Variants in ABR observed in about 807,000 individuals in gnomAD.
ABR encodes the protein ABR activator of RhoGEF and GTPase.
In ABR, 35 loss-of-function variants were observed where a neutral mutation model predicts 107.2. The ratio of observed to expected loss-of-function variants is 0.33; its 90% confidence interval spans 0.25 to 0.43. ABR has a LOEUF of 0.43. Among genes scored for constraint, ABR ranks in the 20% least tolerant of loss-of-function variants. ABR has a pLI of 1.00. For synonymous variants in ABR, 498 were observed against 462.0 expected (o/e 1.08, Z -1.00); for missense variants, 815 against 1,115.2 (o/e 0.73, Z 3.83).
At chr17:1,040,205 G>A (rs1398326714) in intron 16 of ABR, among the ~76,000 whole-genome samples, 7 of 152,148 alleles carry the variant, frequency 4.6e-5, no homozygotes, top group Admixed American at 2.0e-4. Flanking sequence ...CAGGACGCAC[G>A]CGCAGGACCC....
chr17:1,213,682 C>T (rs764976848), intron 1 of ABR, among the ~76,000 whole-genome samples: 5 of 152,192 alleles, frequency 3.3e-5, no homozygotes, highest in Non-Finnish European at 5.9e-5. Context: ...TGAGGCACCA[C>T]GCCCGGCCAA....
intron 16 of ABR, among the ~76,000 whole-genome samples, chr17:1,015,827 G>A (rs939374610): frequency 2.0e-5 from 3 of 152,102 alleles, no homozygotes; most frequent in African/African-American, 7.2e-5. Context: ...CAATGAGATG[G>A]GCGGAACATT....
intron 22 of ABR, 34 bp from the exon 23 acceptor site, chr17:1,006,203 C>G: frequency 1.3e-6 from 2 of 1,526,066 alleles, no homozygotes; most frequent in Admixed American, 2.0e-5. Context: ...GGCTGGGCTC[C>G]CTGTCCTAGG....
At chr17:1,099,007 G>C (rs547911050) in intron 3 of ABR, among the ~76,000 whole-genome samples, 1 of 151,884 alleles carries the variant, frequency 6.6e-6, no homozygotes, top group African/African-American at 2.4e-5. Context: ...GGCTGGTCTC[G>C]AACTCCTGAC....
chr17:1,063,435 T>G (rs1455372392), intron 10 of ABR, among the ~76,000 whole-genome samples: 2 of 149,456 alleles, frequency 1.3e-5, no homozygotes, highest in African/African-American at 4.9e-5. Context: ...GACACTGTTG[T>G]TACGTGAACT....
At chr17:1,144,475 A>G (rs2040446748) in intron 1 of ABR, among the ~76,000 whole-genome samples, 1 of 152,028 alleles carries the variant, frequency 6.6e-6, no homozygotes, top group South Asian at 2.1e-4. Context: ...TTATCTGTAA[A>G]ATGGGCAAGA....
chr17:1,085,352 G>A (rs199892581), intron 4 of ABR, among the ~76,000 whole-genome samples: 3 of 150,636 alleles, frequency 2.0e-5, no homozygotes, highest in Admixed American at 6.6e-5. Flanking sequence ...TCCTGACCTC[G>A]TGATCCACCC....
chr17:1,207,756 TTTG>T (rs1433606480), intron 1 of ABR, among the ~76,000 whole-genome samples: 1 of 151,852 alleles, frequency 6.6e-6, no homozygotes, highest in East Asian at 1.9e-4. Context: ...GATCAGTAAC[TTTG>T]TTTTTTGTTT....
rs2035972771 is a variant in ABR, at chr17:1,078,963, GGACTC to G, written c.700+362_700+366del. On this transcript the variant is annotated intron_variant, in intron 6 of 22. Transcript: ENST00000302538. The surrounding 1 kb of genome is among the most constrained non-coding windows in gnomAD (Gnocchi z 7.5). ...AGCCACCTTGCTGATGCTGCCGCAC[GGACTC>G]CAGCATCGGGCAGCCGCTCCGGAGT... is the stretch of plus-strand genomic sequence containing the variant. 7.9e-6 allele frequency: 12 copies of G among 1,514,596 alleles called. No homozygotes were observed. In the South Asian group the frequency reaches 1.5e-4, roughly 19 times the overall value. 93.8% of individuals were successfully genotyped at this position (1,514,596 alleles called of 1,614,324 possible).
intron 1 of ABR, among the ~76,000 whole-genome samples, chr17:1,208,537 C>T (rs766801869): frequency 3.9e-5 from 6 of 152,182 alleles, no homozygotes; most frequent in Non-Finnish European, 7.3e-5. Context: ...CTGCTAACGT[C>T]GCGGTAGAGA....
chr17:1,208,464 G>T (rs2042838377), intron 1 of ABR, among the ~76,000 whole-genome samples: 1 of 152,224 alleles, frequency 6.6e-6, no homozygotes, highest in African/African-American at 2.4e-5. Context: ...AGCCTGTGAA[G>T]AACCAGTCTC....
chr17:1,143,007 TGGGGACAGCTCGCTCCTG>T (rs2040358825), intron 1 of ABR, among the ~76,000 whole-genome samples: 1 of 88,954 alleles, frequency 1.1e-5, no homozygotes, highest in Non-Finnish European at 2.3e-5. Context: ...AGCTCATTCC[TGGGGACAGCTCGCTCCTG>T]GGGGACAGCT....
Position 1,010,063 on chromosome 17 carries a change from C to T in ABR, c.2237-279G>A, listed in dbSNP as rs2070399669. 2 of 541,718 alleles carry T rather than the reference C, an allele frequency of 3.7e-6. No homozygotes were observed. The highest frequency in any genetic ancestry group is 4.4e-5 in the South Asian group (2 of 45,284). 33.6% of individuals were successfully genotyped at this position (541,718 alleles called of 1,614,324 possible). Reference sequence around the variant, plus strand: ...ATAGGCCTTGGGTGCTGGGGCATCCCCTGTCTCGTAACAGGACACCCCCTG... The same window carrying T: ...ATAGGCCTTGGGTGCTGGGGCATCCTCTGTCTCGTAACAGGACACCCCCTG... On this transcript the variant is annotated intron_variant, in intron 20 of 22. Coordinates refer to ENST00000302538, the MANE Select transcript of ABR (RefSeq NM_021962.5). The surrounding 1 kb of genome is among the most constrained non-coding windows in gnomAD (Gnocchi z 4.1).
At chr17:1,183,159 A>T (rs192366896), upstream of ABR, among the ~76,000 whole-genome samples, 54 of 152,286 alleles carry the variant, frequency 3.5e-4, no homozygotes, top group African/African-American at 1.0e-3. Flanking sequence ...TGTGGCAGAC[A>T]GACCTTCCTG....
At chr17:1,163,564 C>T (rs1322494242) in intron 1 of ABR, among the ~76,000 whole-genome samples, 2 of 129,282 alleles carry the variant, frequency 1.5e-5, no homozygotes, top group African/African-American at 3.0e-5. Flanking sequence ...CAAAGTGTCA[C>T]ACACAGCACT....
rs186834849 is a variant in ABR, at chr17:1,208,319, C to A, written c.838+20474G>T. On this transcript the variant is annotated intron_variant, in intron 1 of 22. Coordinates refer to the ABR transcript ENST00000574139. Reference sequence around the variant, plus strand: ...AGGAACTAGGTGTCAGGAGCAGCAACGCAGGGCACCCCAGTGTGAAGTGCC... The same window carrying A: ...AGGAACTAGGTGTCAGGAGCAGCAAAGCAGGGCACCCCAGTGTGAAGTGCC... 1.7e-3 allele frequency among the ~76,000 whole-genome samples: 257 copies of A among 152,294 alleles called. 1 individual carries two copies. The highest frequency in any genetic ancestry group is 5.3e-3 in the African/African-American group (222 of 41,568).
chr17:1,025,851 G>A (rs1299790105), intron 16 of ABR, among the ~76,000 whole-genome samples: 1 of 152,134 alleles, frequency 6.6e-6, no homozygotes, highest in African/African-American at 2.4e-5. Flanking sequence ...TGTGTCCCTA[G>A]TTCCTGCAGG....
chr17:1,073,797 A>C (rs946583064), intron 6 of ABR, 120 bp from the exon 7 acceptor site: 1 of 862,396 alleles, frequency 1.2e-6, no homozygotes, highest in Non-Finnish European at 1.7e-6. Flanking sequence ...CTCGAGGGAC[A>C]CCAGAGTGAG....
intron 1 of ABR, among the ~76,000 whole-genome samples, chr17:1,132,099 T>A (rs1229291683): frequency 6.6e-6 from 1 of 152,012 alleles, no homozygotes; most frequent in Non-Finnish European, 1.5e-5. Flanking sequence ...ACGCCTGTCA[T>A]CCCATCACTA....
Sources: allele counts gnomAD v4.1 joint callset (sites outside exome capture counted in the v4.1 genomes callset), GRCh38; gene constraint gnomAD v4.1.1; non-coding constraint Gnocchi (gnomAD v3.1); transcripts MANE v1.5; gene names NCBI Gene and HGNC (gene_info 2026-07-23, HGNC 2026-07-21).